Variants in GPC6 observed in about 807,000 individuals in gnomAD.
GPC6 encodes the protein glypican-6.
A neutral mutation model predicts 55.2 loss-of-function variants in GPC6; 14 were observed. That is an observed-to-expected ratio of 0.25 (90% confidence interval 0.17 to 0.40). The LOEUF (loss-of-function observed/expected upper bound fraction) is 0.40. GPC6 is among the 10% of genes least tolerant of loss of function. The pLI is 1.00. For missense variants in GPC6, 641 were observed against 708.5 expected (o/e 0.90, Z 1.08); for synonymous variants, 278 against 259.6 (o/e 1.07, Z -0.68).
intron 2 of GPC6, among the ~76,000 whole-genome samples, chr13:93,639,097 A>G (rs1041264902): frequency 6.6e-6 from 1 of 152,160 alleles, no homozygotes; most frequent in Non-Finnish European, 1.5e-5. Flanking sequence ...TAATAAAAAA[A>G]AAAGTTTGTC....
At chr13:94,302,050 T>C (rs1875678732) in intron 5 of GPC6, among the ~76,000 whole-genome samples, 1 of 152,226 alleles carries the variant, frequency 6.6e-6, no homozygotes, top group Non-Finnish European at 1.5e-5. Flanking sequence ...ATTGAGACGG[T>C]CCAAATTTTC....
At chr13:94,108,229 G>A (rs1344279690) in intron 4 of GPC6, among the ~76,000 whole-genome samples, 2 of 152,036 alleles carry the variant, frequency 1.3e-5, no homozygotes, top group Non-Finnish European at 2.9e-5. Flanking sequence ...TGAATTAATA[G>A]CATTCACAGC....
At chr13:94,223,459 C>T (rs1469678305) in intron 4 of GPC6, among the ~76,000 whole-genome samples, 2 of 152,138 alleles carry the variant, frequency 1.3e-5, no homozygotes, top group Non-Finnish European at 2.9e-5. Flanking sequence ...AATTGAGTCT[C>T]ACAAAACATA....
chr13:94,002,676 T>G (rs192373129), intron 3 of GPC6, among the ~76,000 whole-genome samples: 4 of 152,158 alleles, frequency 2.6e-5, no homozygotes, highest in Non-Finnish European at 5.9e-5. Flanking sequence ...CATGTTTCAA[T>G]GTATATTCAG....
chr13:93,954,884 C>T (rs1447129701), intron 3 of GPC6, among the ~76,000 whole-genome samples: 2 of 152,160 alleles, frequency 1.3e-5, no homozygotes, highest in Non-Finnish European at 2.9e-5. Flanking sequence ...CCTTTAATAT[C>T]CACCACCTTC....
chr13:93,932,537 G>A (rs1351310234), intron 3 of GPC6, among the ~76,000 whole-genome samples: 1 of 152,116 alleles, frequency 6.6e-6, no homozygotes. Context: ...TTCCAAAAGA[G>A]TGTTATCTAT....
intron 4 of GPC6, among the ~76,000 whole-genome samples, chr13:94,215,909 T>C (rs1344316292): frequency 2.0e-5 from 3 of 152,254 alleles, no homozygotes; most frequent in Non-Finnish European, 2.9e-5. Context: ...AAAATAACCA[T>C]CAATATTTCC....
intron 1 of GPC6, among the ~76,000 whole-genome samples, chr13:93,420,659 G>A (rs989661506): frequency 1.3e-5 from 2 of 152,136 alleles, no homozygotes; most frequent in Non-Finnish European, 2.9e-5. Flanking sequence ...TTGTTTTTCT[G>A]TGTAGAAAGA....
At chr13:93,897,335 G>A (rs2140323657) in intron 3 of GPC6, among the ~76,000 whole-genome samples, 1 of 152,164 alleles carries the variant, frequency 6.6e-6, no homozygotes, top group South Asian at 2.1e-4. Context: ...AAATGTGTGT[G>A]TCAAATTTTT....
At chr13:93,750,152 T>C (rs1336594898) in intron 2 of GPC6, among the ~76,000 whole-genome samples, 1 of 152,160 alleles carries the variant, frequency 6.6e-6, no homozygotes, top group Non-Finnish European at 1.5e-5. Flanking sequence ...CTTTAAAATT[T>C]GGTAAGATTT....
At chr13:93,858,283 CATT>C (rs2139022464) in intron 3 of GPC6, among the ~76,000 whole-genome samples, 1 of 151,606 alleles carries the variant, frequency 6.6e-6, no homozygotes, top group African/African-American at 2.4e-5. Flanking sequence ...TCTACACTGT[CATT>C]ATATTATTAA....
At chr13:94,062,539 C>T (rs565524187) in intron 4 of GPC6, among the ~76,000 whole-genome samples, 10 of 152,204 alleles carry the variant, frequency 6.6e-5, no homozygotes, top group Non-Finnish European at 1.2e-4. Context: ...GCATGAACCA[C>T]TGCGCCTGGC....
In GPC6 at chr13:93,744,452, G is replaced by A. The variant is rs531163372; in HGVS notation, c.320-85702G>A. ...GAAATCAAGTGGACTTCTCTGCCTG[G>A]ATTCCTACCAGGACCTTCAACTCAC... On this transcript the variant is annotated intron_variant, in intron 2 of 8. Transcript: ENST00000377047. Among the ~76,000 whole-genome samples, 4 of 149,078 alleles carry A rather than the reference G, an allele frequency of 2.7e-5. No individual in the cohort carries two copies. The South Asian group carries it at 8.6e-4, about 32-fold the overall frequency.
At chr13:93,374,028 C>T (rs907962755) in intron 1 of GPC6, among the ~76,000 whole-genome samples, 1 of 152,048 alleles carries the variant, frequency 6.6e-6, no homozygotes, top group Admixed American at 6.6e-5. Flanking sequence ...GGATCTCATA[C>T]AGTAGTGGAC....
chr13:93,499,685 G>A (rs936075209), intron 1 of GPC6, among the ~76,000 whole-genome samples: 2 of 152,176 alleles, frequency 1.3e-5, no homozygotes, highest in African/African-American at 4.8e-5. Context: ...CTGAGTGGAC[G>A]ACATGCTGAT....
At chr13:93,257,383 G>A (rs1405544359) in intron 1 of GPC6, among the ~76,000 whole-genome samples, 1 of 152,116 alleles carries the variant, frequency 6.6e-6, no homozygotes, top group African/African-American at 2.4e-5. Context: ...GGATAAAATA[G>A]TCTCTTCTCT....
At chr13:94,359,784 T>C (rs1490045063) in intron 6 of GPC6, among the ~76,000 whole-genome samples, 1 of 152,212 alleles carries the variant, frequency 6.6e-6, no homozygotes, top group Non-Finnish European at 1.5e-5. Flanking sequence ...GTACTGTTTT[T>C]ATACTTATCT....
intron 4 of GPC6, among the ~76,000 whole-genome samples, chr13:94,059,979 A>G (rs1884264492): frequency 6.6e-6 from 1 of 152,092 alleles, no homozygotes; most frequent in African/African-American, 2.4e-5. Flanking sequence ...GGCCAGACAC[A>G]ATACCCATGC....
chr13:93,760,813 G>A (rs1884930165), intron 2 of GPC6, among the ~76,000 whole-genome samples: 1 of 152,252 alleles, frequency 6.6e-6, no homozygotes, highest in South Asian at 2.1e-4. Flanking sequence ...CTCTAGTTAT[G>A]TATGCTTTTG....
Sources: gnomAD v4.1 joint callset for allele counts (sites outside exome capture counted in the v4.1 genomes callset) on GRCh38, gnomAD v4.1.1 for gene constraint, MANE v1.5 for transcripts, NCBI Gene and HGNC (gene_info 2026-07-23, HGNC 2026-07-21) for gene names.